FAT3: variants seen among roughly 807,000 people sequenced by gnomAD.
FAT3 encodes the protein FAT atypical cadherin 3, also known as protocadherin Fat 3.
In FAT3, 95 loss-of-function variants were observed where a neutral mutation model predicts 310.2. The observed-to-expected ratio is 0.31, with a 90% CI of 0.26 to 0.36. The LOEUF is 0.36. FAT3 is among the 10% of genes least tolerant of loss of function. The probability of loss-of-function intolerance (pLI) is 1.00; values close to 1 mark genes in which losing one functional copy is unlikely to be tolerated. For synonymous variants in FAT3, 2,314 were observed against 2,192.9 expected (o/e 1.06, Z -1.54); for missense variants, 5,408 against 5,715.6 (o/e 0.95, Z 1.74).
chr11:92,391,854 A>T (rs1949757759), intron 2 of FAT3, among the ~76,000 whole-genome samples: 1 of 152,160 alleles, frequency 6.6e-6, no homozygotes, highest in African/African-American at 2.4e-5. Context: ...GCACCCCAGA[A>T]TTAGGAATGA....
chr11:92,383,479 A>C (rs944560578), intron 2 of FAT3, among the ~76,000 whole-genome samples: 2 of 152,202 alleles, frequency 1.3e-5, no homozygotes, highest in African/African-American at 4.8e-5. Flanking sequence ...TTTGTCCCAC[A>C]GTGTATTTGT....
chr11:92,515,656 C>A (rs1318619416), intron 2 of FAT3, among the ~76,000 whole-genome samples: 1 of 152,028 alleles, frequency 6.6e-6, no homozygotes. Context: ...TAACCTATAT[C>A]TGTTTCTTTA....
At chr11:92,749,758 GAA>G (rs1945779225) in intron 4 of FAT3, among the ~76,000 whole-genome samples, 1 of 152,136 alleles carries the variant, frequency 6.6e-6, no homozygotes, top group Non-Finnish European at 1.5e-5. Context: ...AATAAATAGT[GAA>G]AATAGATAAG....
chr11:92,282,078 G>T (rs573270317), intron 1 of FAT3, among the ~76,000 whole-genome samples: 93 of 152,080 alleles, frequency 6.1e-4, no homozygotes, highest in African/African-American at 2.2e-3. Flanking sequence ...ACTAATTTTT[G>T]TATGTTTAGT....
intron 3 of FAT3, among the ~76,000 whole-genome samples, chr11:92,638,321 A>T (rs1941842392): frequency 6.6e-6 from 1 of 152,240 alleles, no homozygotes; most frequent in African/African-American, 2.4e-5. Context: ...GCAGTAAAGC[A>T]GTCAGAGGCC....
intron 2 of FAT3, among the ~76,000 whole-genome samples, chr11:92,494,836 A>G (rs904922611): frequency 6.6e-6 from 1 of 152,062 alleles, no homozygotes. Flanking sequence ...AAGGCTCCCA[A>G]TATTGACCAT....
intron 6 of FAT3, among the ~76,000 whole-genome samples, chr11:92,766,049 C>G (rs536658016): frequency 6.6e-6 from 1 of 152,166 alleles, no homozygotes; most frequent in Admixed American, 6.5e-5. Flanking sequence ...CAGTCAGCCT[C>G]CCCCGCAAGC....
chr11:92,668,452 A>G (rs552003153), intron 3 of FAT3, among the ~76,000 whole-genome samples: 1 of 152,298 alleles, frequency 6.6e-6, no homozygotes, highest in South Asian at 2.1e-4. Flanking sequence ...TCCAATTCAC[A>G]TGGGCCTAAC....
intron 3 of FAT3, among the ~76,000 whole-genome samples, chr11:92,648,471 G>A (rs1942245344): frequency 6.6e-6 from 1 of 152,150 alleles, no homozygotes. Context: ...TAGGAATAGC[G>A]TTCAGGTGAA....
At chr11:92,731,877 A>G (rs922974613) in intron 4 of FAT3, among the ~76,000 whole-genome samples, 1 of 152,186 alleles carries the variant, frequency 6.6e-6, no homozygotes, top group Admixed American at 6.5e-5. Context: ...ATATTGTGTC[A>G]TAATGCTAGT....
Position 92,349,201 on chromosome 11 carries a change from A to G in FAT3, c.-17-2895A>G, listed in dbSNP as rs916238520. Among the ~76,000 whole-genome samples, 3 of 152,242 alleles carry G rather than the reference A, an allele frequency of 2.0e-5. No individual in the cohort carries two copies. The East Asian group carries it at 5.8e-4, about 29-fold the overall frequency. On this transcript the variant is annotated intron_variant, in intron 1 of 27. Coordinates refer to ENST00000525166, the MANE Select transcript of FAT3 (RefSeq NM_001367949.2). ...GAAATAAGGCAGAAACTTTATTTGT[A>G]TTTCTCTGGAGCATTCTGGGAGTGA...
At chr11:92,731,715 C>G (rs903478783) in intron 4 of FAT3, among the ~76,000 whole-genome samples, 1 of 151,790 alleles carries the variant, frequency 6.6e-6, no homozygotes, top group South Asian at 2.1e-4. Context: ...AAAAAAAAGC[C>G]CTTAAGGCAG....
intron 24 of FAT3, among the ~76,000 whole-genome samples, chr11:92,884,262 G>A (rs144441648): frequency 1.3e-5 from 2 of 152,318 alleles, no homozygotes; most frequent in East Asian, 3.9e-4. Context: ...TTTTAAGTAA[G>A]TGACTGGCAT....
intron 3 of FAT3, among the ~76,000 whole-genome samples, chr11:92,603,031 A>G (rs1312585669): frequency 6.6e-6 from 1 of 152,222 alleles, no homozygotes; most frequent in Non-Finnish European, 1.5e-5. Flanking sequence ...TACTTTCAGT[A>G]TGCATACTGT....
chr11:92,329,443 C>G (rs918718080), intron 1 of FAT3, among the ~76,000 whole-genome samples: 1 of 152,022 alleles, frequency 6.6e-6, no homozygotes, highest in Non-Finnish European at 1.5e-5. Flanking sequence ...TAAGTAGAAG[C>G]AGCCTGAGGC....
chr11:92,762,459 C>T (rs1946177415), intron 5 of FAT3, among the ~76,000 whole-genome samples: 1 of 152,188 alleles, frequency 6.6e-6, no homozygotes, highest in African/African-American at 2.4e-5. Context: ...AGCCCTAAAT[C>T]ATCCTCAAAG....
intron 1 of FAT3, among the ~76,000 whole-genome samples, chr11:92,327,054 A>G (rs1947786341): frequency 1.3e-5 from 2 of 152,156 alleles, no homozygotes; most frequent in African/African-American, 4.8e-5. Flanking sequence ...GATATTCTGT[A>G]TGCAGTATAG....
Position 92,618,676 on chromosome 11 carries a change from AT to A in FAT3, c.3608-78702del, listed in dbSNP as rs200960329. Reference sequence around the variant, plus strand: ...ATTGCTAATGCATATAAATACATTTATTTTTTATACTTTGAGCTCATACCCT... The same window carrying A: ...ATTGCTAATGCATATAAATACATTTATTTTTATACTTTGAGCTCATACCCT... On this transcript the variant is annotated intron_variant, in intron 3 of 27. Transcript: ENST00000525166. Among the ~76,000 whole-genome samples the A allele has an allele frequency of 7.1e-3, 1,085 of 152,242 alleles. 14 individuals carry two copies. The highest frequency in any genetic ancestry group is 0.025 in the African/African-American group (1,023 of 41,536).
chr11:92,407,956 A>G (rs1433382368), intron 2 of FAT3: 1 of 152,192 alleles, frequency 6.6e-6, no homozygotes, highest in East Asian at 1.9e-4. Flanking sequence ...CCCATGAGGC[A>G]AAGTGGTGGC....
Sources: allele counts gnomAD v4.1 joint callset (sites outside exome capture counted in the v4.1 genomes callset), GRCh38; gene constraint gnomAD v4.1.1; transcripts MANE v1.5; gene names NCBI Gene and HGNC (gene_info 2026-07-23, HGNC 2026-07-21).